Variants in KLF7 observed in about 807,000 individuals in gnomAD.
KLF7 encodes Krueppel-like factor 7.
In KLF7, 2 loss-of-function variants were observed where a neutral mutation model predicts 27.3. The observed-to-expected ratio is 0.07, with a 90% CI of 0.03 to 0.23. The LOEUF is 0.23. Ranked by LOEUF, KLF7 falls within the 10% of genes least tolerant of loss-of-function variation. The pLI, the probability that KLF7 is intolerant of heterozygous loss-of-function variation, is 1.00. For synonymous variants in KLF7, 165 were observed against 162.4 expected (o/e 1.02, Z -0.12); for missense variants, 221 against 394.1 (o/e 0.56, Z 3.72).
At chr2:207,102,321 AT>A (rs935781459) in intron 2 of KLF7, among the ~76,000 whole-genome samples, 15 of 152,238 alleles carry the variant, frequency 9.9e-5, no homozygotes, top group Admixed American at 8.5e-4. Context: ...ATTTCTCTTC[AT>A]TCTTCTACTG....
chr2:207,141,811 C>T (rs963234445), intron 1 of KLF7, among the ~76,000 whole-genome samples: 10 of 152,092 alleles, frequency 6.6e-5, no homozygotes, highest in Non-Finnish European at 1.3e-4. Flanking sequence ...CCCTGTGGAT[C>T]CAAATTATGG....
intron 1 of KLF7, among the ~76,000 whole-genome samples, chr2:207,134,383 C>T (rs1574531036): frequency 1.3e-5 from 2 of 152,116 alleles, no homozygotes; most frequent in East Asian, 3.9e-4. Flanking sequence ...GTTCAAAGCC[C>T]ATTGGGCCCT....
intron 2 of KLF7, chr2:207,121,471 A>G (rs2105977139): frequency 6.6e-6 from 1 of 152,314 alleles, no homozygotes; most frequent in Non-Finnish European, 1.5e-5. Flanking sequence ...AATATTCAAA[A>G]CAATCTAGGA....
intron 1 of KLF7, among the ~76,000 whole-genome samples, chr2:207,162,953 A>T (rs2078589616): frequency 6.6e-6 from 1 of 152,196 alleles, no homozygotes; most frequent in Non-Finnish European, 1.5e-5. Flanking sequence ...GGTTCTTTGC[A>T]GAAACCCTGT....
chr2:207,172,385 A>C, the KLF7 span, among the ~76,000 whole-genome samples: 1 of 152,152 alleles, frequency 6.6e-6, no homozygotes. Context: ...CCACCTAAGC[A>C]CTAAAATACA....
At position 207,124,117 on chromosome 2, in the gene KLF7, G is replaced by A. The variant is rs1319967401; in HGVS notation, c.390C>T (p.Leu130=). 1 of 1,614,200 alleles carries A rather than the reference G, an allele frequency of 6.2e-7. No homozygotes were observed. The highest frequency in any genetic ancestry group is 8.5e-7 in the Non-Finnish European group (1 of 1,180,044). The change falls in exon 2 of 4, where the codon CTC becomes CTT. Residue 130 remains leucine (L), a synonymous_variant. Coordinates refer to ENST00000309446, the MANE Select transcript of KLF7 (RefSeq NM_003709.4). The stretch of plus-strand genomic sequence containing the variant: ...GGGGCGTTAATGAGGTCACTGCGTT[G>A]AGCTGGGCCTGGTTGACGGCTGTGT... ...DSYTAVNQAQ[L]NAVTSLTPPS...
At chr2:207,092,251 G>A (rs1012504331) in intron 2 of KLF7, among the ~76,000 whole-genome samples, 3 of 152,204 alleles carry the variant, frequency 2.0e-5, no homozygotes, top group Admixed American at 2.0e-4. Context: ...GAGACAGGTA[G>A]ATGGAAGAGA....
At chr2:207,144,583 C>T (rs1378267610) in intron 1 of KLF7, among the ~76,000 whole-genome samples, 1 of 152,166 alleles carries the variant, frequency 6.6e-6, no homozygotes, top group Non-Finnish European at 1.5e-5. Flanking sequence ...CACCAACTCC[C>T]ATGATACCCA....
intron 1 of KLF7, among the ~76,000 whole-genome samples, chr2:207,160,200 G>A (rs1039530998): frequency 2.0e-5 from 3 of 151,988 alleles, no homozygotes; most frequent in African/African-American, 7.3e-5. Flanking sequence ...GGTAAGATTC[G>A]GCATTTTGGG....
At chr2:207,099,161 C>G (rs1332352479) in intron 2 of KLF7, among the ~76,000 whole-genome samples, 1 of 151,974 alleles carries the variant, frequency 6.6e-6, no homozygotes, top group African/African-American at 2.4e-5. Flanking sequence ...TGAGTATAGC[C>G]AAGGAATTCA....
rs59383415 is a variant in KLF7, at chr2:207,099,551, GAT to G, written c.734-10972_734-10971del. Among the ~76,000 whole-genome samples the G allele has an allele frequency of 1.3e-3, 73 of 57,546 alleles. 2 individuals are homozygous for G. Among genetic ancestry groups the G allele is most frequent in the Non-Finnish European group, 1.6e-3 (48 of 29,860 alleles). 37.8% of individuals were successfully genotyped at this position (57,546 alleles called of 152,430 possible). ...AAAGTTAACTTTCTGCTACATATGC[GAT>G]ATATATATATATATATATATGAAAA... On this transcript the variant is annotated intron_variant, in intron 2 of 3. Transcript: ENST00000309446.
At chr2:207,166,418 C>T (rs190389113), upstream of KLF7, 13 of 154,528 alleles carry the variant, frequency 8.4e-5, 1 homozygote, top group African/African-American at 1.9e-4. Flanking sequence ...CAGGGAGGGT[C>T]GTGGCGACAC....
intron 2 of KLF7, among the ~76,000 whole-genome samples, chr2:207,117,995 G>A (rs2077234612): frequency 2.0e-5 from 3 of 152,114 alleles, no homozygotes; most frequent in Admixed American, 6.5e-5. Context: ...ATACCTGTTC[G>A]CAGAAAGACT....
chr2:207,125,724 T>C (rs1032604191), intron 1 of KLF7, among the ~76,000 whole-genome samples: 2 of 152,212 alleles, frequency 1.3e-5, no homozygotes, highest in African/African-American at 4.8e-5. Context: ...TGATTTTCAA[T>C]GGTAAGAACT....
At chr2:207,091,893 T>C (rs546928482) in intron 2 of KLF7, among the ~76,000 whole-genome samples, 1 of 152,320 alleles carries the variant, frequency 6.6e-6, no homozygotes, top group South Asian at 2.1e-4. Context: ...CCATGATACA[T>C]TTGTTTTCAT....
At chr2:207,106,037 TAAATA>T (rs1206917924) in intron 2 of KLF7, among the ~76,000 whole-genome samples, 3 of 152,260 alleles carry the variant, frequency 2.0e-5, no homozygotes, top group Non-Finnish European at 2.9e-5. Flanking sequence ...TATTTTGAGC[TAAATA>T]AAATACAGTA....
At chr2:207,133,106 G>A (rs1259651941) in intron 1 of KLF7, among the ~76,000 whole-genome samples, 1 of 152,126 alleles carries the variant, frequency 6.6e-6, no homozygotes, top group Non-Finnish European at 1.5e-5. Flanking sequence ...ATGCAGAGCT[G>A]GGGCCTAGAA....
chr2:207,167,851 A>ATGC (rs2078753218), upstream of KLF7, among the ~76,000 whole-genome samples: 1 of 152,254 alleles, frequency 6.6e-6, no homozygotes, highest in African/African-American at 2.4e-5. Context: ...TAACTCACCT[A>ATGC]GCATAGTATC....
intron 2 of KLF7, among the ~76,000 whole-genome samples, chr2:207,120,541 T>C (rs577238655): frequency 5.3e-5 from 8 of 152,374 alleles, no homozygotes; most frequent in Non-Finnish European, 7.3e-5. Context: ...TGGGATGGTA[T>C]TCTTATCTCC....
Sources: gnomAD v4.1 joint callset for allele counts (sites outside exome capture counted in the v4.1 genomes callset) on GRCh38, gnomAD v4.1.1 for gene constraint, MANE v1.5 for transcripts, NCBI Gene and HGNC (gene_info 2026-07-23, HGNC 2026-07-21) for gene names.